ADAMTSL3: variants seen among roughly 807,000 people sequenced by gnomAD.
ADAMTSL3 encodes the protein ADAMTS-like protein 3.
ADAMTSL3 carries 128 observed loss-of-function variants against 201.7 expected under a neutral mutation model. The ratio of observed to expected loss-of-function variants is 0.63; its 90% CI spans 0.55 to 0.73. The LOEUF (loss-of-function observed/expected upper bound fraction) is 0.73. Ranked by LOEUF, ADAMTSL3 falls within the 30% of genes least tolerant of loss-of-function variation. ADAMTSL3 has a pLI of 0.00. For missense variants in ADAMTSL3, 1,990 were observed against 2,119.6 expected (o/e 0.94, Z 1.20); for synonymous variants, 738 against 748.4 (o/e 0.99, Z 0.23).
In ADAMTSL3 at chr15:83,898,061, C is replaced by G. The variant is rs980571965; in HGVS notation, c.1615+56C>G. The G allele has an allele frequency of 4.6e-6, 7 of 1,517,796 alleles. No individual in the cohort carries two copies. In the Admixed American group the frequency reaches 1.3e-4, roughly 29 times the overall value. The allele number at this position is 1,517,796 out of a possible 1,614,324, so 94.0% of individuals were successfully genotyped here. A position where few individuals can be genotyped will look rare whatever the true frequency, so the allele number is the denominator to read the frequency against. ...CAAATGGTATTTTCCAGCTCCCATT[C>G]CAATATTGTAGCATTTCCCTTTCAA... On this transcript the variant is annotated intron_variant, in intron 14 of 29. Coordinates refer to ENST00000286744, the MANE Select transcript of ADAMTSL3 (RefSeq NM_207517.3).
At chr15:83,731,176 G>T (rs1192201015) in intron 3 of ADAMTSL3, among the ~76,000 whole-genome samples, 1 of 151,934 alleles carries the variant, frequency 6.6e-6, no homozygotes, top group East Asian at 1.9e-4. Flanking sequence ...ATTACTGTAT[G>T]TTTGTAATAC....
chr15:83,827,805 T>C (rs1437098813), intron 6 of ADAMTSL3, among the ~76,000 whole-genome samples: 3 of 152,176 alleles, frequency 2.0e-5, no homozygotes, highest in Admixed American at 6.5e-5. Flanking sequence ...TTTTGTCAGG[T>C]TTGTCAAAGA....
intron 7 of ADAMTSL3, among the ~76,000 whole-genome samples, chr15:83,843,605 CCT>C (rs747968680): frequency 5.5e-4 from 83 of 152,160 alleles, no homozygotes; most frequent in Non-Finnish European, 1.1e-3. Context: ...CATGTCTCCC[CCT>C]GAGTGTGCAT....
intron 3 of ADAMTSL3, among the ~76,000 whole-genome samples, chr15:83,737,385 T>C (rs28371866): frequency 0.28 from 42,234 of 151,974 alleles, 6,105 homozygotes; most frequent in South Asian, 0.55. Context: ...TGGGAGGTGA[T>C]TGGATCGGGG....
chr15:83,829,613 G>A (rs952688409), intron 6 of ADAMTSL3, among the ~76,000 whole-genome samples: 21 of 152,096 alleles, frequency 1.4e-4, no homozygotes, highest in African/African-American at 5.1e-4. Context: ...TTTTAATTGT[G>A]ATGTTAGGGT....
chr15:83,731,962 G>C (rs1472091978), intron 3 of ADAMTSL3, among the ~76,000 whole-genome samples: 1 of 151,988 alleles, frequency 6.6e-6, no homozygotes, highest in Non-Finnish European at 1.5e-5. Context: ...GGTACAAGTT[G>C]CAGTTATGTA....
chr15:83,869,868 A>G lies in ADAMTSL3; in HGVS notation c.803-934A>G, dbSNP rs1433087117. Among the ~76,000 whole-genome samples, 3 of 152,156 alleles carry G rather than the reference A, an allele frequency of 2.0e-5. No individual in the cohort carries two copies. The East Asian group carries it at 5.8e-4, about 29-fold the overall frequency. On this transcript the variant is annotated intron_variant, in intron 8 of 29. Transcript: ENST00000286744. ...TTTAGGTATGAGGCAATGAAAACCC[A>G]AGGCAGAAAGTTAGAGAAAAATACG...
chr15:83,840,205 T>G (rs1177988180), intron 7 of ADAMTSL3, among the ~76,000 whole-genome samples: 2 of 151,966 alleles, frequency 1.3e-5, no homozygotes, highest in Admixed American at 6.5e-5. Context: ...AATGCAGAAC[T>G]TAGCAAGAGC....
chr15:83,682,760 A>G (rs2730085), intron 2 of ADAMTSL3, among the ~76,000 whole-genome samples: 32,684 of 152,194 alleles, frequency 0.21, 4,229 homozygotes, highest in Admixed American at 0.35. Flanking sequence ...TAAATTTTCC[A>G]TTAGAGAGCA....
At chr15:83,890,020 GAA>G in intron 10 of ADAMTSL3, 87 bp from the exon 11 acceptor site, 5 of 1,290,848 alleles carry the variant, frequency 3.9e-6, no homozygotes, top group Non-Finnish European at 4.2e-6. Flanking sequence ...TCTTAAAGAG[GAA>G]AAAAAAAAGT....
intron 23 of ADAMTSL3, among the ~76,000 whole-genome samples, chr15:83,991,897 T>C (rs1401883033): frequency 6.6e-6 from 1 of 152,214 alleles, no homozygotes; most frequent in East Asian, 1.9e-4. Context: ...GAACTGTAGA[T>C]AAATATTATA....
intron 19 of ADAMTSL3, among the ~76,000 whole-genome samples, chr15:83,953,783 T>G (rs1191448936): frequency 2.0e-5 from 3 of 152,224 alleles, no homozygotes; most frequent in Admixed American, 2.0e-4. Context: ...TCCTTAATGC[T>G]TGAAGGATAT....
At chr15:83,664,145 A>G (rs2061215504) in intron 2 of ADAMTSL3, among the ~76,000 whole-genome samples, 1 of 152,200 alleles carries the variant, frequency 6.6e-6, no homozygotes, top group African/African-American at 2.4e-5. Flanking sequence ...AAATAGCATT[A>G]TATATACCGA....
intron 20 of ADAMTSL3, among the ~76,000 whole-genome samples, chr15:83,975,242 TC>T (rs2067266652): frequency 6.6e-6 from 1 of 151,810 alleles, no homozygotes; most frequent in Non-Finnish European, 1.5e-5. Flanking sequence ...GACCTTGTGA[TC>T]CACCCACCTT....
intron 2 of ADAMTSL3, among the ~76,000 whole-genome samples, chr15:83,683,691 T>C (rs2061503220): frequency 6.6e-6 from 1 of 152,158 alleles, no homozygotes; most frequent in Non-Finnish European, 1.5e-5. Flanking sequence ...CTGGCAGCCT[T>C]GTTGCATCTG....
Position 83,771,036 on chromosome 15 carries a change from A to C in ADAMTSL3, c.190-2487A>C, listed in dbSNP as rs1308595515. 5.3e-5 allele frequency among the ~76,000 whole-genome samples: 8 copies of C among 152,244 alleles called. No individual in the cohort carries two copies. In the East Asian group the frequency reaches 9.7e-4, roughly 18 times the overall value. On this transcript the variant is annotated intron_variant, in intron 3 of 29. Coordinates refer to ENST00000286744, the MANE Select transcript of ADAMTSL3 (RefSeq NM_207517.3). ...TAGTGAGCTGAGATCACATCACTGC[A>C]CTCCAGCCTGGGTGACAAAGTGAGC...
At chr15:84,021,849 T>G (rs1420199047) in intron 26 of ADAMTSL3, among the ~76,000 whole-genome samples, 3 of 152,120 alleles carry the variant, frequency 2.0e-5, no homozygotes, top group African/African-American at 7.2e-5. Context: ...ATAGTCTGAT[T>G]TTAGAGCCCC....
At chr15:83,678,840 A>G (rs1466859064) in intron 2 of ADAMTSL3, among the ~76,000 whole-genome samples, 1 of 145,692 alleles carries the variant, frequency 6.9e-6, no homozygotes, top group African/African-American at 2.5e-5. Context: ...ATATAAATAT[A>G]TATATAAAAT....
In ADAMTSL3 at chr15:83,970,602, C is replaced by G; in HGVS notation, c.2609C>G (p.Pro870Arg). Residue 870 changes from proline (P) to arginine (R), a missense_variant, in exon 20 of 30, where the codon CCT (proline) becomes CGT (arginine). Coordinates refer to ENST00000286744, the MANE Select transcript of ADAMTSL3 (RefSeq NM_207517.3). Reference sequence around the variant, plus strand: ...ATGTGCAGGGATCTACCAGGGCTCCCTCTTGTAAGATCTTGCCAGATGCCT... The same window carrying G: ...ATGTGCAGGGATCTACCAGGGCTCCGTCTTGTAAGATCTTGCCAGATGCCT... ...EMMCRDLPGL[P>R]LVRSCQMPEC... The G allele has an allele frequency of 6.2e-7, 1 of 1,614,234 alleles. No homozygotes were observed. The highest frequency in any genetic ancestry group is 8.5e-7 in the Non-Finnish European group (1 of 1,180,038).
Sources: gnomAD v4.1 joint callset for allele counts (sites outside exome capture counted in the v4.1 genomes callset) on GRCh38, gnomAD v4.1.1 for gene constraint, MANE v1.5 for transcripts, NCBI Gene and HGNC (gene_info 2026-07-23, HGNC 2026-07-21) for gene names.